The following SEC13 variants were observed in gnomAD, a reference collection of about 807,000 sequenced individuals.
SEC13 encodes the protein protein SEC13 homolog.
SEC13 carries 25 observed loss-of-function variants against 49.2 expected under a neutral mutation model. That is an observed-to-expected ratio of 0.51 (90% CI 0.37 to 0.71). SEC13 has a LOEUF of 0.71. Ranked by LOEUF, SEC13 falls within the 30% of genes least tolerant of loss-of-function variation. The probability of loss-of-function intolerance (pLI) is 0.00; values close to 1 mark genes in which losing one functional copy is unlikely to be tolerated. For synonymous variants in SEC13, 148 were observed against 163.9 expected, an observed-to-expected ratio of 0.90 and a Z score of 0.74; for missense variants, 383 against 417.6, an observed-to-expected ratio of 0.92 and a Z score of 0.72.
chr3:10,316,308 C>G (rs1351941834), intron 2 of SEC13, among the ~76,000 whole-genome samples: 1 of 152,188 alleles, frequency 6.6e-6, no homozygotes, highest in Non-Finnish European at 1.5e-5. Flanking sequence ...TCAGGACTAT[C>G]AGCTGCACTC....
At chr3:10,304,883 C>T in intron 7 of SEC13, 150 bp downstream of exon 7, 1 of 1,164,872 alleles carries the variant, frequency 8.6e-7, no homozygotes, top group Non-Finnish European at 1.2e-6. Context: ...AAGACTTCCC[C>T]ACACAATGAC....
At chr3:10,312,372 A>ACT (rs1701328973) in intron 4 of SEC13, among the ~76,000 whole-genome samples, 1 of 152,102 alleles carries the variant, frequency 6.6e-6, no homozygotes, top group South Asian at 2.1e-4. Flanking sequence ...CTGAAGAGAA[A>ACT]CTCACCTGTC....
intron 3 of SEC13, chr3:10,313,283 C>T: frequency 2.9e-6 from 1 of 350,872 alleles, no homozygotes; most frequent in South Asian, 2.3e-5. Flanking sequence ...CTGTGCCAGG[C>T]TTTGTACGGT....
At chr3:10,303,580 CCAGCATAA>C (rs1452967114) in intron 8 of SEC13, 1 of 250,476 alleles carries the variant, frequency 4.0e-6, no homozygotes, top group Non-Finnish European at 7.9e-6. Context: ...CTGCCTCTTA[CCAGCATAA>C]CAAGTATTCA....
rs780302816 is a variant in SEC13, at chr3:10,312,058, G to T, written c.357C>A (p.Ile119=). The part of the protein sequence containing the change: ...VCWAPHDYGL[I]LACGSSDGAI... The stretch of plus-strand genomic sequence containing the variant: ...CCCCATCCGAGCTCCCACAGGCCAG[G>T]ATCAGGCCGTAGTCATGGGGGGCCC... Residue 119 remains isoleucine (I), a synonymous_variant, in exon 5 of 9, where the codon ATC becomes ATA. Transcript: ENST00000350697. The T allele has an allele frequency of 6.2e-7, 1 of 1,612,244 alleles. No homozygotes were observed.
At chr3:10,305,899 G>A (rs1314213992) in intron 5 of SEC13, 1 of 447,236 alleles carries the variant, frequency 2.2e-6, no homozygotes, top group Non-Finnish European at 4.0e-6. Context: ...TGCGCTAAAA[G>A]TAGAAATTAA....
chr3:10,305,372 G>C, intron 6 of SEC13, 187 bp downstream of exon 6: 1 of 1,036,042 alleles, frequency 9.7e-7, no homozygotes, highest in Non-Finnish European at 1.4e-6. Flanking sequence ...TCCAACAGTT[G>C]GGAATTAGGT....
intron 5 of SEC13, chr3:10,311,713 G>A: frequency 1.5e-6 from 2 of 1,365,730 alleles, no homozygotes; most frequent in Non-Finnish European, 9.5e-7. Context: ...AGGTGGCAGT[G>A]AGCAGGCTGC....
At chr3:10,306,743 T>A (rs1305880693) in intron 5 of SEC13, among the ~76,000 whole-genome samples, 1 of 152,222 alleles carries the variant, frequency 6.6e-6, no homozygotes, top group African/African-American at 2.4e-5. Context: ...TCGCTAGATC[T>A]GACGATTTTA....
chr3:10,315,235 C>T, intron 3 of SEC13, 86 bp downstream of exon 3: 2 of 962,278 alleles, frequency 2.1e-6, no homozygotes, highest in Non-Finnish European at 3.3e-6. Context: ...TGAATCTGGG[C>T]TCCCATGCTT....
chr3:10,303,786 C>T, intron 8 of SEC13: 3 of 542,420 alleles, frequency 5.5e-6, no homozygotes, highest in Admixed American at 5.8e-5. Context: ...GTTTTGGGAC[C>T]CCCATGCAAG....
chr3:10,302,964 A>C lies in SEC13; in HGVS notation c.855+1062T>G, dbSNP rs573338053. Among the ~76,000 whole-genome samples the C allele has an allele frequency of 4.6e-5, 7 of 152,296 alleles. 2 individuals carry two copies. The East Asian group carries it at 1.3e-3, about 29-fold the overall frequency. On this transcript the variant is annotated intron_variant, in intron 8 of 8. Coordinates refer to ENST00000350697, the MANE Select transcript of SEC13 (RefSeq NM_183352.3). ...GGACAAATACTGTATGATTCCACTT[A>C]GATAGGTCGCTAGAGCAGTCACATT...
intron 8 of SEC13, 168 bp downstream of exon 8, chr3:10,303,858 C>T (rs1479789979): frequency 1.0e-5 from 7 of 703,446 alleles, no homozygotes; most frequent in Admixed American, 2.1e-5. Context: ...AATACTACCT[C>T]AGGGGCTGTG....
rs36018166 is a variant in SEC13 at position 10,305,650 on chromosome 3, C to T, written c.493G>A (p.Gly165Arg). Residue 165 changes from glycine (G) to arginine (R), a missense_variant, in exon 6 of 9, where the codon GGA (glycine) becomes AGA (arginine). Coordinates refer to ENST00000350697, the MANE Select transcript of SEC13 (RefSeq NM_183352.3). ...AVSWAPAVVP[G>R]SLIDHPSGQK... is the part of the protein sequence containing the mutation. ...CCCGATGGGTGGTCTATGAGGCTTCCAGGTACAACAGCAGGGGCCCAGCTG... is the reference window on the plus strand; with the variant it reads ...CCCGATGGGTGGTCTATGAGGCTTCTAGGTACAACAGCAGGGGCCCAGCTG... 2.5e-6 allele frequency: 4 copies of T among 1,614,036 alleles called. No homozygotes were observed. The highest frequency in any genetic ancestry group is 2.7e-5 in the African/African-American group (2 of 74,916).
At chr3:10,309,862 G>A (rs1475701289) in intron 5 of SEC13, among the ~76,000 whole-genome samples, 1 of 152,226 alleles carries the variant, frequency 6.6e-6, no homozygotes, top group African/African-American at 2.4e-5. Context: ...CCTTGTTTCT[G>A]TGTGGTGTTA....
chr3:10,303,729 C>T (rs940488838), intron 8 of SEC13: 7 of 460,620 alleles, frequency 1.5e-5, no homozygotes, highest in Admixed American at 3.4e-5. Context: ...ATGAGGTGAC[C>T]AAATGCTTAG....
rs774791256 is a variant in SEC13, at chr3:10,304,017, G to A, written c.855+9C>T. ...TGTGTCCACCATGCCACGGGGAATG[G>A]GTATGTACCTTATTGTCTCCACCAG... On this transcript the variant is annotated intron_variant, in intron 8 of 8. Coordinates refer to ENST00000350697, the MANE Select transcript of SEC13 (RefSeq NM_183352.3). The A allele has an allele frequency of 9.3e-6, 15 of 1,613,836 alleles. No homozygotes were observed. The East Asian group carries it at 2.5e-4, about 26-fold the overall frequency.
chr3:10,320,023 G>C (rs1434434991), intron 1 of SEC13, among the ~76,000 whole-genome samples: 1 of 148,206 alleles, frequency 6.7e-6, no homozygotes, highest in Non-Finnish European at 1.5e-5. Context: ...GAGAGAGAGA[G>C]AGAGAACTTC....
chr3:10,304,585 A>C (rs1459335787), intron 7 of SEC13, among the ~76,000 whole-genome samples: 1 of 152,218 alleles, frequency 6.6e-6, no homozygotes, highest in African/African-American at 2.4e-5. Context: ...ACAGGTTCCC[A>C]TGATGTGAAA....
Sources: allele counts gnomAD v4.1 joint callset (sites outside exome capture counted in the v4.1 genomes callset), GRCh38; gene constraint gnomAD v4.1.1; transcripts MANE v1.5; gene names NCBI Gene and HGNC (gene_info 2026-07-23, HGNC 2026-07-21).